Variants in MCC observed in about 807,000 individuals in gnomAD.
The protein encoded by MCC is colorectal mutant cancer protein.
MCC carries 90 observed loss-of-function variants against 116.2 expected under a neutral mutation model. The ratio of observed to expected loss-of-function variants is 0.77; its 90% CI spans 0.65 to 0.92. The LOEUF is 0.92. Among genes scored for constraint, MCC ranks in the 40% least tolerant of loss-of-function variants. The pLI is 0.00. For synonymous variants in MCC, 578 were observed against 510.5 expected, an observed-to-expected ratio of 1.13 and a Z score of -1.78; for missense variants, 1,516 against 1,312.2, an observed-to-expected ratio of 1.16 and a Z score of -2.40.
intron 1 of MCC, among the ~76,000 whole-genome samples, chr5:113,446,927 A>T (rs781466483): frequency 6.6e-6 from 1 of 152,170 alleles, no homozygotes; most frequent in Non-Finnish European, 1.5e-5. Context: ...AAACCTGCAC[A>T]TGTACCCCCT....
At chr5:113,149,526 C>T (rs1759727139) in intron 4 of MCC, among the ~76,000 whole-genome samples, 1 of 152,076 alleles carries the variant, frequency 6.6e-6, no homozygotes, top group Admixed American at 6.6e-5. Context: ...AGTTAATCTT[C>T]AGATGCCCGT....
chr5:113,391,592 A>C (rs1580323890), intron 1 of MCC, among the ~76,000 whole-genome samples: 1 of 152,188 alleles, frequency 6.6e-6, no homozygotes, highest in East Asian at 1.9e-4. Flanking sequence ...GGTGGTGCAC[A>C]CTGTAGTCTC....
At chr5:113,484,327 A>G (rs1772457434) in intron 1 of MCC, among the ~76,000 whole-genome samples, 1 of 152,226 alleles carries the variant, frequency 6.6e-6, no homozygotes, top group African/African-American at 2.4e-5. Context: ...TATGGAAAAT[A>G]TCTGAAAATG....
At chr5:113,193,565 G>C (rs1380189966) in intron 3 of MCC, among the ~76,000 whole-genome samples, 2 of 152,088 alleles carry the variant, frequency 1.3e-5, no homozygotes, top group Non-Finnish European at 2.9e-5. Flanking sequence ...TCCGTATCTT[G>C]TCAGGATAGT....
chr5:113,436,480 C>G (rs1408814952), intron 1 of MCC: 1 of 152,242 alleles, frequency 6.6e-6, no homozygotes, highest in Non-Finnish European at 1.5e-5. Flanking sequence ...CACAGCTGAG[C>G]AGCAGTAACA....
chr5:113,280,427 C>A (rs73246648), intron 3 of MCC, among the ~76,000 whole-genome samples: 20,963 of 152,106 alleles, frequency 0.14, 2,080 homozygotes, highest in Admixed American at 0.28. Context: ...TGTTCTGATA[C>A]GAAAGCATTT....
chr5:113,378,013 A>T (rs1221814137), intron 2 of MCC, among the ~76,000 whole-genome samples: 1 of 152,250 alleles, frequency 6.6e-6, no homozygotes, highest in Non-Finnish European at 1.5e-5. Flanking sequence ...AGTATTTTTA[A>T]CAATGAAATC....
intron 1 of MCC, among the ~76,000 whole-genome samples, chr5:113,487,625 G>A (rs1561597793): frequency 6.6e-6 from 1 of 152,236 alleles, no homozygotes. Flanking sequence ...TAGGAGTCGG[G>A]TCTAGCCCTA....
At chr5:113,041,831 C>A (rs1441616763) in intron 17 of MCC, among the ~76,000 whole-genome samples, 1 of 151,992 alleles carries the variant, frequency 6.6e-6, no homozygotes, top group South Asian at 2.1e-4. Flanking sequence ...CCCATCTCTA[C>A]TAAAAATACA....
chr5:113,109,317 A>T (rs1355566459), intron 6 of MCC, among the ~76,000 whole-genome samples: 1 of 152,224 alleles, frequency 6.6e-6, no homozygotes, highest in African/African-American at 2.4e-5. Flanking sequence ...ATACAATGTA[A>T]TGTTATTCAG....
chr5:113,045,601 A>C (rs1317328104), intron 16 of MCC, among the ~76,000 whole-genome samples: 3 of 152,082 alleles, frequency 2.0e-5, no homozygotes, highest in Non-Finnish European at 4.4e-5. Context: ...GGAGTTTGAG[A>C]CCAGCCTGAC....
chr5:113,346,599 T>TA (rs1388649662), intron 2 of MCC, among the ~76,000 whole-genome samples: 2 of 140,346 alleles, frequency 1.4e-5, no homozygotes, highest in East Asian at 3.9e-4. Context: ...AAACTCTGTC[T>TA]AAAAAAACAA....
At chr5:113,487,752 A>T (rs981227041) in intron 1 of MCC, among the ~76,000 whole-genome samples, 1 of 152,242 alleles carries the variant, frequency 6.6e-6, no homozygotes. Context: ...CTGCGGCACA[A>T]GAAAGTTTCT....
At chr5:113,386,939 G>T (rs1044186475) in intron 1 of MCC, among the ~76,000 whole-genome samples, 1 of 152,040 alleles carries the variant, frequency 6.6e-6, no homozygotes, top group African/African-American at 2.4e-5. Context: ...TGTTATAAAA[G>T]TATACCCTTG....
At chr5:113,123,014 G>A (rs1208667626) in intron 5 of MCC, among the ~76,000 whole-genome samples, 188 bp from the exon 6 acceptor site, 1 of 152,172 alleles carries the variant, frequency 6.6e-6, no homozygotes, top group Non-Finnish European at 1.5e-5. Context: ...GAAGCTGAAA[G>A]GTTGCCTCTG....
rs576148550 is a variant in MCC, at chr5:113,330,769, A to C, written c.627+9750T>G. On this transcript the variant is annotated intron_variant, in intron 3 of 18. Transcript: ENST00000408903. The stretch of plus-strand genomic sequence containing the variant: ...CCTCTAGTGTACTTGAAATTTTTCT[A>C]AATCCCTTTATCAGAGATCTTTACC... Among the ~76,000 whole-genome samples the C allele has an allele frequency of 3.3e-5, 5 of 152,322 alleles. No individual in the cohort carries two copies. In the East Asian group the frequency reaches 9.6e-4, roughly 29 times the overall value.
intron 3 of MCC, among the ~76,000 whole-genome samples, chr5:113,304,753 A>G (rs1766943090): frequency 6.6e-6 from 1 of 152,212 alleles, no homozygotes. Context: ...GAGATTTGGA[A>G]ATCCAAGGAA....
At chr5:113,469,949 T>C (rs1055055900) in intron 1 of MCC, among the ~76,000 whole-genome samples, 1 of 152,234 alleles carries the variant, frequency 6.6e-6, no homozygotes, top group Non-Finnish European at 1.5e-5. Flanking sequence ...GCCTTCTTTG[T>C]CTCTTTTGAT....
chr5:113,135,813 G>T (rs1013333858), intron 5 of MCC, among the ~76,000 whole-genome samples: 5 of 152,100 alleles, frequency 3.3e-5, no homozygotes, highest in African/African-American at 9.7e-5. Context: ...GGAGGCCAAG[G>T]TGAGCAGATC....
Sources: allele counts gnomAD v4.1 joint callset (sites outside exome capture counted in the v4.1 genomes callset), GRCh38; gene constraint gnomAD v4.1.1; transcripts MANE v1.5; gene names NCBI Gene and HGNC (gene_info 2026-07-23, HGNC 2026-07-21).